The following ANKRD33B variants were observed in gnomAD, a reference collection of about 807,000 sequenced individuals.
ANKRD33B encodes ankyrin repeat domain 33B.
ANKRD33B carries 6 observed loss-of-function variants against 21.5 expected under a neutral mutation model. The observed-to-expected ratio is 0.28, with a 90% CI of 0.15 to 0.55. The LOEUF (loss-of-function observed/expected upper bound fraction) is 0.55. Ranked by LOEUF, ANKRD33B falls within the 20% of genes least tolerant of loss-of-function variation. The pLI, the probability that ANKRD33B is intolerant of heterozygous loss-of-function variation, is 0.94. For synonymous variants in ANKRD33B, 347 were observed against 342.4 expected, an observed-to-expected ratio of 1.01 and a Z score of -0.15; for missense variants, 698 against 747.2, an observed-to-expected ratio of 0.93 and a Z score of 0.77.
At chr5:10,610,975 C>T (rs746375134) in intron 1 of ANKRD33B, among the ~76,000 whole-genome samples, 4 of 152,072 alleles carry the variant, frequency 2.6e-5, no homozygotes, top group African/African-American at 9.7e-5. Context: ...ACCTGGGGGG[C>T]GGAGGTTGCG....
chr5:10,579,867 T>C (rs1735406657), intron 1 of ANKRD33B, among the ~76,000 whole-genome samples: 1 of 152,242 alleles, frequency 6.6e-6, no homozygotes, highest in Non-Finnish European at 1.5e-5. Context: ...AACCGTTTAA[T>C]GTCTACCGTG....
At chr5:10,590,563 G>A (rs1735658299) in intron 1 of ANKRD33B, among the ~76,000 whole-genome samples, 1 of 151,838 alleles carries the variant, frequency 6.6e-6, no homozygotes, top group African/African-American at 2.4e-5. Context: ...ACACAAATTT[G>A]TAGACTTTCT....
intron 3 of ANKRD33B, among the ~76,000 whole-genome samples, chr5:10,645,848 C>T (rs1444933763): frequency 2.6e-5 from 4 of 152,156 alleles, no homozygotes; most frequent in Admixed American, 1.3e-4. Flanking sequence ...GGATTGCAGC[C>T]GTTAGATTCC....
intron 2 of ANKRD33B, among the ~76,000 whole-genome samples, chr5:10,633,752 G>A (rs1430456923): frequency 6.6e-6 from 1 of 152,174 alleles, no homozygotes; most frequent in Non-Finnish European, 1.5e-5. Context: ...GACTGGTCAG[G>A]TACATTGCAG....
At chr5:10,575,848 G>A (rs1281789365) in intron 1 of ANKRD33B, among the ~76,000 whole-genome samples, 2 of 152,154 alleles carry the variant, frequency 1.3e-5, no homozygotes, top group African/African-American at 4.8e-5. Context: ...GGGGCCGAGC[G>A]TGGGGAGGGG....
intron 1 of ANKRD33B, among the ~76,000 whole-genome samples, chr5:10,583,865 G>GA (rs1306806701): frequency 6.6e-6 from 1 of 152,188 alleles, no homozygotes; most frequent in Non-Finnish European, 1.5e-5. Flanking sequence ...GTTGTTGTTT[G>GA]AATCTTAACA....
chr5:10,593,608 C>T (rs1246791462), intron 1 of ANKRD33B, among the ~76,000 whole-genome samples: 2 of 152,156 alleles, frequency 1.3e-5, no homozygotes, highest in Non-Finnish European at 2.9e-5. Context: ...CCCAACTCCT[C>T]CAACCCTAGC....
At position 10,655,938 on chromosome 5, in the gene ANKRD33B, A is replaced by G. The variant is rs563456635; in HGVS notation, c.*5825A>G. 1.3e-4 allele frequency: 20 copies of G among 152,470 alleles called. No homozygotes were observed. The highest frequency in any genetic ancestry group is 4.6e-4 in the African/African-American group (19 of 41,588). 9.4% of individuals were successfully genotyped at this position (152,470 alleles called of 1,614,324 possible). On this transcript the variant is annotated 3_prime_UTR_variant, in exon 4 of 4. Transcript: ENST00000296657. ...GGGAAGGACAGGTGGGACCCTGACC[A>G]TGACAGATCTTTCTAAAACAATAAA...
At position 10,631,725 on chromosome 5, in the gene ANKRD33B, T is replaced by A. The variant is rs145049593; in HGVS notation, c.497-6303T>A. ...TGCAATCGAGCTCCGTGCCTCTCCC[T>A]GGGACCTGTGTTCAAAAAGCAACAG... On this transcript the variant is annotated intron_variant, in intron 2 of 3. Transcript: ENST00000296657. Among the ~76,000 whole-genome samples the A allele has an allele frequency of 1.1e-4, 16 of 152,344 alleles. No individual in the cohort carries two copies. The East Asian group carries it at 3.1e-3, about 29-fold the overall frequency.
chr5:10,625,010 G>C (rs1274712875), intron 2 of ANKRD33B: 1 of 341,476 alleles, frequency 2.9e-6, no homozygotes, highest in African/African-American at 2.2e-5. Context: ...GACGGCAAAG[G>C]ACCCCTCTCA....
chr5:10,633,163 G>A (rs1195985907), intron 2 of ANKRD33B, among the ~76,000 whole-genome samples: 2 of 138,642 alleles, frequency 1.4e-5, no homozygotes, highest in Admixed American at 1.5e-4. Context: ...GTGCAGTGAT[G>A]CAATCTTGGC....
At position 10,576,992 on chromosome 5, in the gene ANKRD33B, C is replaced by T. The variant is rs780889431; in HGVS notation, c.366+12159C>T. 2.0e-5 allele frequency among the ~76,000 whole-genome samples: 3 copies of T among 152,190 alleles called. No individual in the cohort carries two copies. The highest frequency in any genetic ancestry group is 2.1e-4 in the South Asian group (1 of 4,816). ...TTGTGGGTGGGAGGAGAATCGGAAG[C>T]GGCATAAGGAGAGTTTTTCAAGAAG... On this transcript the variant is annotated intron_variant, in intron 1 of 3. Transcript: ENST00000296657. This position sits in a 1 kb window ranked among gnomAD's most constrained non-coding sequence, Gnocchi z 4.1.
intron 1 of ANKRD33B, among the ~76,000 whole-genome samples, chr5:10,579,113 G>A (rs1021187645): frequency 1.7e-4 from 26 of 150,094 alleles, no homozygotes; most frequent in African/African-American, 5.9e-4. Flanking sequence ...GCAGTGAGCC[G>A]TGATCGCGCC....
chr5:10,631,551 C>T (rs986443707), intron 2 of ANKRD33B, among the ~76,000 whole-genome samples: 7 of 152,362 alleles, frequency 4.6e-5, no homozygotes, highest in Non-Finnish European at 8.8e-5. Context: ...GGAAGCAGCG[C>T]CTCTGGCCAG....
chr5:10,634,021 G>A (rs1385403319), intron 2 of ANKRD33B, among the ~76,000 whole-genome samples: 1 of 152,220 alleles, frequency 6.6e-6, no homozygotes, highest in Non-Finnish European at 1.5e-5. Flanking sequence ...TGGAGTGCCT[G>A]CCTGGATTAT....
intron 1 of ANKRD33B, among the ~76,000 whole-genome samples, chr5:10,597,028 G>A (rs905158445): frequency 6.6e-6 from 1 of 152,106 alleles, no homozygotes; most frequent in African/African-American, 2.4e-5. Flanking sequence ...GGCCTGGCTT[G>A]CAAGAGCTCC....
chr5:10,648,872 C>T (rs1396302015), intron 3 of ANKRD33B, among the ~76,000 whole-genome samples: 3 of 150,914 alleles, frequency 2.0e-5, no homozygotes, highest in Admixed American at 6.6e-5. Context: ...GGCTCACGCC[C>T]GTAATCCCAG....
intron 1 of ANKRD33B, among the ~76,000 whole-genome samples, chr5:10,586,131 C>A (rs1735553637): frequency 6.6e-6 from 1 of 152,096 alleles, no homozygotes; most frequent in South Asian, 2.1e-4. Context: ...TTATGTAACA[C>A]CGAGAAATAC....
chr5:10,651,236 C>A lies in ANKRD33B; in HGVS notation c.*1123C>A, dbSNP rs1384674827. The A allele has an allele frequency of 6.6e-6, 1 of 152,262 alleles. No individual in the cohort carries two copies. The highest frequency in any genetic ancestry group is 1.5e-5 in the Non-Finnish European group (1 of 68,012). The allele number at this position is 152,262 out of a possible 1,614,324, so 9.4% of individuals were successfully genotyped here. ...CAAAGAGTCCGTTGTGTGGATATTT[C>A]TTTTATTTTTCCTTTGAGGACTGCG... On this transcript the variant is annotated 3_prime_UTR_variant, in exon 4 of 4. Coordinates refer to ENST00000296657, the MANE Select transcript of ANKRD33B (RefSeq NM_001164440.2).
Sources: gnomAD v4.1 joint callset for allele counts (sites outside exome capture counted in the v4.1 genomes callset) on GRCh38, gnomAD v4.1.1 for gene constraint, Gnocchi (gnomAD v3.1) non-coding constraint, MANE v1.5 for transcripts, NCBI Gene and HGNC (gene_info 2026-07-23, HGNC 2026-07-21) for gene names.